Variants in ADGRF1 observed in about 807,000 individuals in gnomAD.
The protein encoded by ADGRF1 is adhesion G protein-coupled receptor F1, also known as G protein-coupled receptor 110.
Under a neutral mutation model 87.2 loss-of-function variants are expected in ADGRF1, and 85 were observed. The observed-to-expected ratio is 0.97, with a 90% CI of 0.82 to 1.17. ADGRF1 has a LOEUF of 1.17. ADGRF1 is among the 50% of genes most tolerant of loss of function. ADGRF1 has a pLI of 0.00. For missense variants in ADGRF1, 1,169 were observed against 1,077.2 expected (o/e 1.09, Z -1.19); for synonymous variants, 430 against 408.8 (o/e 1.05, Z -0.63).
chr6:47,038,157 G>A (rs1035076397), intron 1 of ADGRF1, among the ~76,000 whole-genome samples: 5 of 152,136 alleles, frequency 3.3e-5, no homozygotes, highest in East Asian at 1.9e-4. Flanking sequence ...CACCGTGTCC[G>A]GCCGAAGAAT....
Position 46,998,283 on chromosome 6 carries a change from T to A in ADGRF1, c.*1939A>T, listed in dbSNP as rs796715510. ...CCATAGAAATTCTCATAGCCCTGAC[T>A]TCTCATCTTTAGCTTGTGTAGATTT... On this transcript the variant is annotated 3_prime_UTR_variant, in exon 15 of 15. Transcript: ENST00000371253. 3 of 152,334 alleles carry A rather than the reference T, an allele frequency of 2.0e-5. No homozygotes were observed. Among genetic ancestry groups the A allele is most frequent in the African/African-American group, 7.2e-5 (3 of 41,592 alleles). 9.4% of individuals were successfully genotyped at this position (152,334 alleles called of 1,614,324 possible). A position where few individuals can be genotyped will look rare whatever the true frequency, so the allele number is the denominator to read the frequency against.
chr6:47,019,368 T>C (rs1200666627), intron 7 of ADGRF1: 1 of 985,244 alleles, frequency 1.0e-6, no homozygotes, highest in South Asian at 4.7e-5. Context: ...ACAACATGTT[T>C]ATAGCAAATG....
At chr6:47,007,356 T>C in intron 11 of ADGRF1, 62 bp from the exon 12 acceptor site, 1 of 1,019,388 alleles carries the variant, frequency 9.8e-7, no homozygotes, top group Non-Finnish European at 1.5e-6. Flanking sequence ...AAGAAAGCAT[T>C]TATATGTAAC....
At chr6:47,013,626 C>T (rs1354225081) in intron 9 of ADGRF1, 1 of 985,256 alleles carries the variant, frequency 1.0e-6, no homozygotes, top group Admixed American at 6.1e-5. Context: ...AATACTTGAA[C>T]CTTCCTAAGA....
rs776274424 is a variant in ADGRF1, at chr6:47,025,898, C to T, written c.233G>A (p.Trp78Ter). The T allele has an allele frequency of 3.1e-6, 5 of 1,611,294 alleles. No homozygotes were observed. ...FLKLLKPPLLWSHGLIRIIRA... is the reference protein window; with the variant it reads ...FLKLLKPPLL ...GATAATTCTAATTAGCCCATGTGAC[C>T]ATAATAATGGAGGCTTCAAGAGCTT... Residue 78 changes from tryptophan (W) to a stop codon, truncating the protein, a stop_gained, in exon 4 of 15, where the codon TGG (tryptophan) becomes TAG (stop). Coordinates refer to ENST00000371253, the MANE Select transcript of ADGRF1 (RefSeq NM_153840.4). LOFTEE classifies it high-confidence loss of function.
chr6:47,032,388 TA>T (rs548267379), intron 1 of ADGRF1, among the ~76,000 whole-genome samples: 4 of 152,016 alleles, frequency 2.6e-5, no homozygotes, highest in Non-Finnish European at 4.4e-5. Context: ...AAATAAACAA[TA>T]TTTTTTTAGT....
intron 9 of ADGRF1, 199 bp downstream of exon 9, chr6:47,014,482 A>T (rs1308980330): frequency 1.5e-6 from 2 of 1,318,980 alleles, no homozygotes; most frequent in African/African-American, 3.0e-5. Flanking sequence ...TTTGAGCTGC[A>T]ACCTAGACTC....
In ADGRF1 at chr6:46,998,219, G is replaced by T. The variant is rs1779264482; in HGVS notation, c.*2003C>A. On this transcript the variant is annotated 3_prime_UTR_variant, in exon 15 of 15. Coordinates refer to ENST00000371253, the MANE Select transcript of ADGRF1 (RefSeq NM_153840.4). ...ACATGGTGTCAGGGTTCTCTGGATA[G>T]TAATTGTGTGTAATAAGAGAGGGAG... The T allele has an allele frequency of 6.6e-6, 1 of 152,184 alleles. No homozygotes were observed. Among genetic ancestry groups the T allele is most frequent in the Non-Finnish European group, 1.5e-5 (1 of 68,036 alleles). The allele number at this position is 152,184 out of a possible 1,614,324, so 9.4% of individuals were successfully genotyped here.
chr6:47,014,844 G>T lies in ADGRF1; in HGVS notation c.764C>A (p.Ala255Asp). The stretch of plus-strand genomic sequence containing the variant: ...TCCAAAGACAATGTCATTACACTGG[G>T]CTGGAAACAAAAGAAAACAACAAAG... Reference protein sequence around the residue: ...EDGSFRVFGKAQCNDIVFGFG... With the variant: ...EDGSFRVFGKDQCNDIVFGFG... The change falls in exon 9 of 15, where the codon GCC (alanine) becomes GAC (aspartate). Residue 255 changes from alanine (A) to aspartate (D), a missense_variant and splice_region_variant. Transcript: ENST00000371253. 1 of 1,593,298 alleles carries T rather than the reference G, an allele frequency of 6.3e-7. No homozygotes were observed. The highest frequency in any genetic ancestry group is 1.1e-5 in the South Asian group (1 of 88,762).
In ADGRF1 at chr6:47,029,173, G is replaced by T. The variant is rs1216636004; in HGVS notation, c.-43-69C>A. On this transcript the variant is annotated intron_variant, in intron 1 of 14. Coordinates refer to ENST00000371253, the MANE Select transcript of ADGRF1 (RefSeq NM_153840.4). Reference sequence around the variant, plus strand: ...GAAATTCAAGCCAAAATGTAAAAATGCACAAAGTGGTAAGGCCTCACTGAG... The same window carrying T: ...GAAATTCAAGCCAAAATGTAAAAATTCACAAAGTGGTAAGGCCTCACTGAG... The T allele has an allele frequency of 5.9e-6, 5 of 850,838 alleles. No homozygotes were observed. The East Asian group carries it at 1.0e-4, about 18-fold the overall frequency. 52.7% of individuals were successfully genotyped at this position (850,838 alleles called of 1,614,324 possible). A position where few individuals can be genotyped will look rare whatever the true frequency, so the allele number is the denominator to read the frequency against.
chr6:47,003,442 G>C (rs965257860), intron 13 of ADGRF1, among the ~76,000 whole-genome samples: 16 of 152,132 alleles, frequency 1.1e-4, no homozygotes, highest in African/African-American at 3.6e-4. Flanking sequence ...TTCTGATCCT[G>C]AAGAGATTAG....
rs1484776542 is a variant in ADGRF1 at position 47,001,624 on chromosome 6, C to G, written c.2593-57G>C. 6.8e-6 allele frequency: 9 copies of G among 1,328,508 alleles called. No individual in the cohort carries two copies. In the Admixed American group the frequency reaches 1.0e-4, roughly 15 times the overall value. 82.3% of individuals were successfully genotyped at this position (1,328,508 alleles called of 1,614,324 possible). ...TTAATAGCATTCTTTTACTGTTGGT[C>G]TGCATTTCCTGACTTCCTGATGTTA... On this transcript the variant is annotated intron_variant, in intron 13 of 14. Transcript: ENST00000371253.
At position 47,039,429 on chromosome 6, in the gene ADGRF1, A is replaced by G. The variant is rs527893597; in HGVS notation, c.-44+2762T>C. On this transcript the variant is annotated intron_variant, in intron 1 of 14. Coordinates refer to ENST00000371253, the MANE Select transcript of ADGRF1 (RefSeq NM_153840.4). ...TAATTCCTATGAATTTTCATTCTCA[A>G]CATGCCAGGTCCCAGTTTCCATCAG... Among the ~76,000 whole-genome samples the G allele has an allele frequency of 1.2e-4, 19 of 152,294 alleles. No homozygotes were observed. The South Asian group carries it at 1.7e-3, about 13-fold the overall frequency.
intron 13 of ADGRF1, 148 bp downstream of exon 13, chr6:47,005,669 C>T: frequency 1.8e-6 from 1 of 566,408 alleles, no homozygotes; most frequent in African/African-American, 1.9e-5. Flanking sequence ...CACTCATGTG[C>T]CAGGCTCCAT....
At chr6:47,006,189 A>T (rs954246702) in intron 12 of ADGRF1, among the ~76,000 whole-genome samples, 2 of 152,230 alleles carry the variant, frequency 1.3e-5, no homozygotes, top group Non-Finnish European at 2.9e-5. Flanking sequence ...GAATGGTAAG[A>T]CAAGGCAATT....
intron 13 of ADGRF1, among the ~76,000 whole-genome samples, chr6:47,003,555 T>C (rs1779423323): frequency 6.6e-6 from 1 of 152,158 alleles, no homozygotes; most frequent in Non-Finnish European, 1.5e-5. Flanking sequence ...ACACAACCCC[T>C]TAGCTTAACC....
At chr6:47,000,506 A>G (rs187529495) in intron 14 of ADGRF1, among the ~76,000 whole-genome samples, 14 of 152,274 alleles carry the variant, frequency 9.2e-5, no homozygotes, top group Admixed American at 7.2e-4. Context: ...CTTATTTGAG[A>G]AATATCATGT....
chr6:47,010,200 C>T lies in ADGRF1; in HGVS notation c.1235G>A (p.Ser412Asn), dbSNP rs1779665013. The change falls in exon 11 of 15, where the codon AGC becomes AAC. Residue 412 changes from serine (S) to asparagine (N), a missense_variant. Transcript: ENST00000371253. ...SRLLETLENI[S>N]TLVPPTALPL... The stretch of plus-strand genomic sequence containing the variant: ...AAGAGCTGTCGGAGGCACCAGAGTG[C>T]TGATGTTTTCTAATGTCTCTAGTAA... 1.2e-6 allele frequency: 2 copies of T among 1,613,962 alleles called. No homozygotes were observed. Among genetic ancestry groups the T allele is most frequent in the African/African-American group, 1.3e-5 (1 of 74,922 alleles).
At chr6:47,034,979 T>C (rs1780546826) in intron 1 of ADGRF1, among the ~76,000 whole-genome samples, 1 of 152,250 alleles carries the variant, frequency 6.6e-6, no homozygotes, top group African/African-American at 2.4e-5. Flanking sequence ...TTCTATTTAG[T>C]CTGCGCTTTG....
Sources: allele counts gnomAD v4.1 joint callset (sites outside exome capture counted in the v4.1 genomes callset), GRCh38; gene constraint gnomAD v4.1.1; transcripts MANE v1.5; gene names NCBI Gene and HGNC (gene_info 2026-07-23, HGNC 2026-07-21).